OR6N1: variants seen among roughly 807,000 people sequenced by gnomAD.
OR6N1 encodes the protein olfactory receptor 6N1.
For synonymous variants in OR6N1, 170 were observed against 150.7 expected (o/e 1.13, Z -0.94); for missense variants, 394 against 371.7 (o/e 1.06, Z -0.49).
chr1:158,777,877 A>T, the OR6N1 span, among the ~76,000 whole-genome samples: 2 of 152,320 alleles, frequency 1.3e-5, no homozygotes, highest in African/African-American at 2.4e-5. Context: ...TTTATACTTC[A>T]ATGAGATAAG....
the OR6N1 span, among the ~76,000 whole-genome samples, chr1:158,839,791 A>G: frequency 0.03 from 4,537 of 152,254 alleles, 200 homozygotes; most frequent in African/African-American, 0.1. Context: ...TGTTGCAACC[A>G]ATTCTTAACA....
At chr1:158,821,752 G>T in the OR6N1 span, among the ~76,000 whole-genome samples, 4 of 152,090 alleles carry the variant, frequency 2.6e-5, no homozygotes, top group African/African-American at 9.7e-5. Context: ...CATGTCTGAA[G>T]GCTTCTTGTG....
rs1165949369 is a variant in OR6N1 at position 158,765,764 on chromosome 1, T to C, written c.919A>G (p.Arg307Gly). Residue 307 changes from arginine to glycine, a missense_variant, in exon 2 of 2, where the codon AGA becomes GGA. By Grantham distance (125) the Arg-to-Gly change is moderately radical. Transcript: ENST00000641846. Reference protein sequence around the residue: ...IKEAVRRQLKRIGILA With the variant: ...IKEAVRRQLKGIGILA ...CCAACTCATGCCAATATCCCAATTC[T>C]CTTTAGCTGCCTCCTCACAGCCTCC... The C allele has an allele frequency of 6.2e-7, 1 of 1,613,516 alleles. No individual in the cohort carries two copies. The highest frequency in any genetic ancestry group is 8.5e-7 in the Non-Finnish European group (1 of 1,179,534).
At chr1:158,791,950 T>C in the OR6N1 span, among the ~76,000 whole-genome samples, 1 of 152,218 alleles carries the variant, frequency 6.6e-6, no homozygotes, top group Non-Finnish European at 1.5e-5. Context: ...GTTTGTTTGT[T>C]GACTTTATGC....
intron 1 of OR6N1, among the ~76,000 whole-genome samples, chr1:158,767,985 T>A (rs1657321349): frequency 6.6e-6 from 1 of 152,160 alleles, no homozygotes; most frequent in Non-Finnish European, 1.5e-5. Context: ...TTCTTGACAG[T>A]ATTGATTTAT....
At chr1:158,828,059 A>G in the OR6N1 span, among the ~76,000 whole-genome samples, 1 of 152,192 alleles carries the variant, frequency 6.6e-6, no homozygotes, top group South Asian at 2.1e-4. Flanking sequence ...ACAGCATGGG[A>G]AAGACCTACC....
Position 158,765,048 on chromosome 1 carries a change from A to C in OR6N1, c.*696T>G, listed in dbSNP as rs1032713203. The C allele has an allele frequency of 6.6e-6, 1 of 152,122 alleles. No homozygotes were observed. Among genetic ancestry groups the C allele is most frequent in the African/African-American group, 2.4e-5 (1 of 41,422 alleles). The allele number at this position is 152,122 out of a possible 1,614,324, so 9.4% of individuals were successfully genotyped here. On this transcript the variant is annotated 3_prime_UTR_variant, in exon 2 of 2. Coordinates refer to ENST00000641846, the MANE Select transcript of OR6N1 (RefSeq NM_001005185.2). ...TCTAAGACCCAGAGTAATGATGTGAAGTCTTCGCAGAATAAAATAAATAAA... is the reference window on the plus strand; with the variant it reads ...TCTAAGACCCAGAGTAATGATGTGACGTCTTCGCAGAATAAAATAAATAAA...
chr1:158,826,768 G>T, the OR6N1 span, among the ~76,000 whole-genome samples: 1 of 152,264 alleles, frequency 6.6e-6, no homozygotes, highest in African/African-American at 2.4e-5. Context: ...ATTTCAGGAT[G>T]AGAGAAGATG....
rs199985654 is a variant in OR6N1 at position 158,765,794 on chromosome 1, T to C, written c.889A>G (p.Ile297Val). 2 of 1,614,060 alleles carry C rather than the reference T, an allele frequency of 1.2e-6. No homozygotes were observed. Among genetic ancestry groups the C allele is most frequent in the Admixed American group, 3.3e-5 (2 of 60,004 alleles). Reference sequence around the variant, plus strand: ...AGCTGCCTCCTCACAGCCTCCTTGATCTCCTTGTTGCGCAAGCTGTAGATG... The same window carrying C: ...AGCTGCCTCCTCACAGCCTCCTTGACCTCCTTGTTGCGCAAGCTGTAGATG... ...PFIYSLRNKEIKEAVRRQLKR... is the reference protein window; with the variant it reads ...PFIYSLRNKEVKEAVRRQLKR... The change falls in exon 2 of 2, where the codon ATC becomes GTC. Residue 297 changes from isoleucine to valine, a missense_variant. Ile to Val is a conservative substitution (Grantham distance 29). Coordinates refer to ENST00000641846, the MANE Select transcript of OR6N1 (RefSeq NM_001005185.2).
chr1:158,819,397 T>C, the OR6N1 span, among the ~76,000 whole-genome samples: 1 of 152,192 alleles, frequency 6.6e-6, no homozygotes, highest in Non-Finnish European at 1.5e-5. Context: ...TGACTTTTAA[T>C]CCAGGCTCTG....
chr1:158,766,943 T>C (rs1571601880), intron 1 of OR6N1, among the ~76,000 whole-genome samples: 2 of 152,262 alleles, frequency 1.3e-5, no homozygotes, highest in Middle Eastern at 6.8e-3. Context: ...TTTTTGGCCT[T>C]CCTAATCCAT....
Position 158,764,318 on chromosome 1 carries a change from C to T in OR6N1, c.*1426G>A, listed in dbSNP as rs1316804606. 1 of 151,078 alleles carries T rather than the reference C, an allele frequency of 6.6e-6. No homozygotes were observed. Among genetic ancestry groups the T allele is most frequent in the East Asian group, 1.9e-4 (1 of 5,172 alleles). 9.4% of individuals were successfully genotyped at this position (151,078 alleles called of 1,614,324 possible). On this transcript the variant is annotated 3_prime_UTR_variant, in exon 2 of 2. Transcript: ENST00000641846. The stretch of plus-strand genomic sequence containing the variant: ...AGACAAGTGAAAAAAAAGGAGAATG[C>T]ATGTTTATCTTAATACTACTTCCCA...
At chr1:158,797,373 G>C in the OR6N1 span, among the ~76,000 whole-genome samples, 1 of 152,158 alleles carries the variant, frequency 6.6e-6, no homozygotes, top group Non-Finnish European at 1.5e-5. Context: ...AAATCGGGGG[G>C]AAAGCGTTAT....
the OR6N1 span, among the ~76,000 whole-genome samples, chr1:158,778,227 C>T: frequency 0.12 from 17,861 of 152,206 alleles, 1,150 homozygotes; most frequent in East Asian, 0.15. Flanking sequence ...GGTACAATCT[C>T]TGCCACCAGG....
At chr1:158,811,485 C>G in the OR6N1 span, among the ~76,000 whole-genome samples, 302 of 152,246 alleles carry the variant, frequency 2.0e-3, 4 homozygotes, top group African/African-American at 7.1e-3. Flanking sequence ...TCATCACTTT[C>G]CTTTTCATCA....
At chr1:158,784,335 T>C in the OR6N1 span, among the ~76,000 whole-genome samples, 1 of 152,342 alleles carries the variant, frequency 6.6e-6, no homozygotes, top group East Asian at 1.9e-4. Context: ...GAGTGCGATG[T>C]CTTGATATAT....
At chr1:158,767,681 T>G (rs1408039664) in intron 1 of OR6N1, among the ~76,000 whole-genome samples, 1 of 152,216 alleles carries the variant, frequency 6.6e-6, no homozygotes, top group African/African-American at 2.4e-5. Context: ...AAAAACATGC[T>G]ATTATTCTCA....
chr1:158,796,413 T>G, the OR6N1 span, among the ~76,000 whole-genome samples: 652 of 152,352 alleles, frequency 4.3e-3, 4 homozygotes, highest in African/African-American at 0.015. Context: ...TCATTTAGTT[T>G]CATTCTTTTT....
At chr1:158,770,307 A>G (rs1657392827) in intron 1 of OR6N1, among the ~76,000 whole-genome samples, 1 of 152,172 alleles carries the variant, frequency 6.6e-6, no homozygotes, top group Non-Finnish European at 1.5e-5. Flanking sequence ...TGCCTAAGCA[A>G]TCAAAGTCAT....
Sources: gnomAD v4.1 joint callset for allele counts (sites outside exome capture counted in the v4.1 genomes callset) on GRCh38, gnomAD v4.1.1 for gene constraint, MANE v1.5 for transcripts, NCBI Gene and HGNC (gene_info 2026-07-23, HGNC 2026-07-21) for gene names.